Variants in EDN1 observed in about 807,000 individuals in gnomAD.
EDN1 encodes the protein endothelin 1.
EDN1 carries 11 observed loss-of-function variants against 21.7 expected under a neutral mutation model. The observed-to-expected ratio is 0.51, with a 90% CI of 0.32 to 0.84. The LOEUF (loss-of-function observed/expected upper bound fraction) is 0.84, where lower values mean the gene tolerates loss of function less well. Among genes scored for constraint, EDN1 ranks in the 40% least tolerant of loss-of-function variants. EDN1 has a pLI of 0.03. For missense variants in EDN1, 244 were observed against 262.3 expected, an observed-to-expected ratio of 0.93 and a Z score of 0.48; for synonymous variants, 85 against 90.6, an observed-to-expected ratio of 0.94 and a Z score of 0.35.
chr6:12,277,763 A>G, the EDN1 span, among the ~76,000 whole-genome samples: 2 of 152,242 alleles, frequency 1.3e-5, no homozygotes, highest in East Asian at 3.8e-4. Flanking sequence ...GGCGTGATAG[A>G]CATCAAGGGC....
chr6:12,250,298 C>T, the EDN1 span, among the ~76,000 whole-genome samples: 1 of 151,974 alleles, frequency 6.6e-6, no homozygotes, highest in Non-Finnish European at 1.5e-5. Flanking sequence ...TTTGTTTTTT[C>T]TGTTTTAGTT....
the EDN1 span, among the ~76,000 whole-genome samples, chr6:12,285,057 A>G: frequency 2.0e-5 from 3 of 152,166 alleles, no homozygotes; most frequent in Non-Finnish European, 4.4e-5. Context: ...TTTTTCTGAG[A>G]TGTGTGAAAT....
At chr6:12,238,192 G>C in the EDN1 span, among the ~76,000 whole-genome samples, 2 of 141,122 alleles carry the variant, frequency 1.4e-5, no homozygotes, top group Non-Finnish European at 3.2e-5. Flanking sequence ...AAAAAAAAAG[G>C]GAAACCCAAA....
upstream of EDN1, among the ~76,000 whole-genome samples, chr6:12,289,403 G>A (rs569240967): frequency 3.2e-4 from 48 of 152,118 alleles, 1 homozygote; most frequent in Middle Eastern, 3.4e-3. Context: ...CCTATGTTAG[G>A]CAACATTCCT....
chr6:12,275,061 C>A, the EDN1 span, among the ~76,000 whole-genome samples: 15 of 137,140 alleles, frequency 1.1e-4, no homozygotes, highest in Middle Eastern at 3.6e-3. Context: ...AGATAGGTTA[C>A]TAGTGGATTT....
rs1292511534 is a variant in EDN1 at position 12,293,845 on chromosome 6, AG to A, written c.234-95del. On this transcript the variant is annotated intron_variant, in intron 2 of 4. Transcript: ENST00000379375. ...TGATGCTCCCAAGTGCTATGTGATG[AG>A]CTCCTTGTGTGCCCAGTGGAATAGG... 4.2e-5 allele frequency: 58 copies of A among 1,391,340 alleles called. No individual in the cohort carries two copies. The South Asian group carries it at 4.4e-4, about 11-fold the overall frequency. The allele number at this position is 1,391,340 out of a possible 1,614,324, so 86.2% of individuals were successfully genotyped here.
the EDN1 span, among the ~76,000 whole-genome samples, chr6:12,279,491 G>A: frequency 1.3e-5 from 2 of 152,234 alleles, no homozygotes. Context: ...CAAGACAGGA[G>A]CTGGAGCTAG....
upstream of EDN1, among the ~76,000 whole-genome samples, chr6:12,288,084 C>G (rs1393249838): frequency 6.6e-6 from 1 of 151,768 alleles, no homozygotes; most frequent in Non-Finnish European, 1.5e-5. Context: ...GGTGGGGTGG[C>G]GTGGAGTGGG....
In EDN1 at chr6:12,294,064, C is replaced by G; in HGVS notation, c.357C>G (p.Cys119Trp). The G allele has an allele frequency of 3.1e-6, 5 of 1,614,148 alleles. No homozygotes were observed. Among genetic ancestry groups the G allele is most frequent in the Non-Finnish European group, 4.2e-6 (5 of 1,180,026 alleles). ...GTGCTAGCCAAAAAGACAAGAAGTG[C>G]TGGAATTTTTGCCAAGCAGGAAAAG... ...CQCASQKDKK[C>W]WNFCQAGKEL... Residue 119 changes from cysteine to tryptophan, a missense_variant, in exon 3 of 5, where the codon TGC becomes TGG. By Grantham distance (215) the Cys-to-Trp change is radical. Coordinates refer to ENST00000379375, the MANE Select transcript of EDN1 (RefSeq NM_001955.5).
the EDN1 span, among the ~76,000 whole-genome samples, chr6:12,277,896 C>T: frequency 6.6e-6 from 1 of 152,174 alleles, no homozygotes; most frequent in Non-Finnish European, 1.5e-5. Context: ...CCCATGGCTC[C>T]AGAACCCCTT....
the EDN1 span, among the ~76,000 whole-genome samples, chr6:12,275,489 A>C: frequency 6.2e-4 from 94 of 152,292 alleles, no homozygotes; most frequent in Non-Finnish European, 9.6e-4. Context: ...TATTGTAACC[A>C]AAATTTAATT....
the EDN1 span, among the ~76,000 whole-genome samples, chr6:12,261,057 A>T: frequency 6.6e-6 from 1 of 152,212 alleles, no homozygotes; most frequent in Non-Finnish European, 1.5e-5. Flanking sequence ...CAGAAATGTC[A>T]TTCAGATTTG....
chr6:12,249,719 GT>G, the EDN1 span, among the ~76,000 whole-genome samples: 6 of 152,024 alleles, frequency 3.9e-5, no homozygotes, highest in African/African-American at 1.4e-4. Context: ...GCATTAACGA[GT>G]TTGGTAAGAG....
the EDN1 span, among the ~76,000 whole-genome samples, chr6:12,230,587 G>A: frequency 5.7e-4 from 87 of 152,238 alleles, no homozygotes; most frequent in Non-Finnish European, 1.2e-3. Flanking sequence ...TGTGAAGAAC[G>A]TGGTACAAAA....
chr6:12,244,192 C>A, the EDN1 span, among the ~76,000 whole-genome samples: 1 of 151,978 alleles, frequency 6.6e-6, no homozygotes, highest in Non-Finnish European at 1.5e-5. Flanking sequence ...AAACTCAATA[C>A]AAATTAAATA....
At position 12,290,434 on chromosome 6, in the gene EDN1, G is replaced by A. The variant is rs1762642164; in HGVS notation, c.-196G>A. On this transcript the variant is annotated 5_prime_UTR_variant, in exon 1 of 5. Transcript: ENST00000379375. ...CAGTCCCAGCTCTCCACCGCCGCGTGCGCCTGCAGACGCTCCGCTCGCTGC... is the reference window on the plus strand; with the variant it reads ...CAGTCCCAGCTCTCCACCGCCGCGTACGCCTGCAGACGCTCCGCTCGCTGC... 5 of 602,698 alleles carry A rather than the reference G, an allele frequency of 8.3e-6. No individual in the cohort carries two copies. The highest frequency in any genetic ancestry group is 2.0e-5 in the South Asian group (1 of 50,398). The allele number at this position is 602,698 out of a possible 1,614,324, so 37.3% of individuals were successfully genotyped here. A position where few individuals can be genotyped will look rare whatever the true frequency, so the allele number is the denominator to read the frequency against.
At chr6:12,233,378 T>C in the EDN1 span, among the ~76,000 whole-genome samples, 1 of 152,208 alleles carries the variant, frequency 6.6e-6, no homozygotes, top group South Asian at 2.1e-4. Flanking sequence ...TAAAGAGGAC[T>C]GTAGAAATTA....
At chr6:12,279,605 CT>C in the EDN1 span, among the ~76,000 whole-genome samples, 364 of 152,318 alleles carry the variant, frequency 2.4e-3, 1 homozygote, top group African/African-American at 8.5e-3. Flanking sequence ...GAGGACAGAT[CT>C]TTTTTTATTA....
chr6:12,236,594 T>C, the EDN1 span, among the ~76,000 whole-genome samples: 2 of 152,122 alleles, frequency 1.3e-5, no homozygotes, highest in Non-Finnish European at 2.9e-5. Context: ...AAGTAGATTT[T>C]CACTTTAAAA....
Sources: allele counts gnomAD v4.1 joint callset (sites outside exome capture counted in the v4.1 genomes callset), GRCh38; gene constraint gnomAD v4.1.1; transcripts MANE v1.5; gene names NCBI Gene and HGNC (gene_info 2026-07-23, HGNC 2026-07-21).